The following ST8SIA3 variants were observed in gnomAD, a reference collection of about 807,000 sequenced individuals.
ST8SIA3 encodes the protein ST8 alpha-N-acetyl-neuraminide alpha-2,8-sialyltransferase 3, also known as alpha-N-acetylneuraminate alpha-2,8-sialyltransferase ST8SIA3.
ST8SIA3 carries 17 observed loss-of-function variants against 34.5 expected under a neutral mutation model. The observed-to-expected ratio is 0.49, with a 90% CI of 0.34 to 0.74. ST8SIA3 has a LOEUF of 0.74. ST8SIA3 is among the 30% of genes least tolerant of loss of function. The pLI, the probability that ST8SIA3 is intolerant of heterozygous loss-of-function variation, is 0.01. For synonymous variants in ST8SIA3, 172 were observed against 176.1 expected (o/e 0.98, Z 0.19); for missense variants, 354 against 467.8 (o/e 0.76, Z 2.24).
Position 57,360,457 on chromosome 18 carries a change from T to G in ST8SIA3, c.*180T>G. 2 of 637,712 alleles carry G rather than the reference T, an allele frequency of 3.1e-6. No individual in the cohort carries two copies. The highest frequency in any genetic ancestry group is 5.3e-6 in the Non-Finnish European group (2 of 375,408). 39.5% of individuals were successfully genotyped at this position (637,712 alleles called of 1,614,324 possible). A position where few individuals can be genotyped will look rare whatever the true frequency, so the allele number is the denominator to read the frequency against. ...GTTTTAGCAGATTTAGCAGGACAGA[T>G]GCATTGAAGCCACATGGTTTAGACT... is the stretch of plus-strand genomic sequence containing the variant. On this transcript the variant is annotated 3_prime_UTR_variant, in exon 4 of 4. Transcript: ENST00000324000.
chr18:57,360,770 A>C lies in ST8SIA3; in HGVS notation c.*493A>C. Reference sequence around the variant, plus strand: ...CTATCTCCATCTCTATCACCATCTCACTCCTTCCCTCTGCAACTACTCCCT... The same window carrying C: ...CTATCTCCATCTCTATCACCATCTCCCTCCTTCCCTCTGCAACTACTCCCT... On this transcript the variant is annotated 3_prime_UTR_variant, in exon 4 of 4. Transcript: ENST00000324000. 6.5e-6 allele frequency: 1 copy of C among 154,968 alleles called. No homozygotes were observed. Among genetic ancestry groups the C allele is most frequent in the Non-Finnish European group, 1.4e-5 (1 of 69,958 alleles). 9.6% of individuals were successfully genotyped at this position (154,968 alleles called of 1,614,324 possible).
At chr18:57,353,584 G>A (rs2049778805) in intron 1 of ST8SIA3, among the ~76,000 whole-genome samples, 1 of 149,110 alleles carries the variant, frequency 6.7e-6, no homozygotes, top group Admixed American at 6.7e-5. Context: ...CGCAGCCACC[G>A]CCCCCCACCA....
intron 3 of ST8SIA3, among the ~76,000 whole-genome samples, chr18:57,358,867 A>G (rs571493495): frequency 6.6e-6 from 1 of 152,300 alleles, no homozygotes; most frequent in African/African-American, 2.4e-5. Flanking sequence ...TGTTCAATTT[A>G]AGTTTGTCTA....
intron 2 of ST8SIA3, among the ~76,000 whole-genome samples, chr18:57,354,834 A>C (rs1210477360): frequency 4.6e-5 from 7 of 151,212 alleles, no homozygotes; most frequent in Non-Finnish European, 7.4e-5. Context: ...CAAGTCTGGC[A>C]AGTACTGCCA....
At position 57,352,843 on chromosome 18, in the gene ST8SIA3, C is replaced by T. The variant is rs762298107; in HGVS notation, c.-4C>T. ...CGGTTTCCCTGAACCCAGCCCAGCCCGGGATGAGAAACTGCAAAATGGCCC... is the reference window on the plus strand; with the variant it reads ...CGGTTTCCCTGAACCCAGCCCAGCCTGGGATGAGAAACTGCAAAATGGCCC... On this transcript the variant is annotated 5_prime_UTR_variant, in exon 1 of 4. Coordinates refer to ENST00000324000, the MANE Select transcript of ST8SIA3 (RefSeq NM_015879.3). The T allele has an allele frequency of 1.6e-5, 26 of 1,613,012 alleles. No homozygotes were observed. The highest frequency in any genetic ancestry group is 8.3e-5 in the Admixed American group (5 of 59,978).
chr18:57,353,120 C>G (rs2049774829), intron 1 of ST8SIA3, 95 bp downstream of exon 1: 31 of 1,308,240 alleles, frequency 2.4e-5, no homozygotes, highest in Non-Finnish European at 3.2e-5. Flanking sequence ...TTGGCCTCTC[C>G]GAGACTCTTT....
Position 57,352,842 on chromosome 18 carries a change from C to G in ST8SIA3, c.-5C>G, listed in dbSNP as rs375416977. 1.2e-6 allele frequency: 2 copies of G among 1,613,286 alleles called. No individual in the cohort carries two copies. Among genetic ancestry groups the G allele is most frequent in the African/African-American group, 1.3e-5 (1 of 74,994 alleles). On this transcript the variant is annotated 5_prime_UTR_variant, in exon 1 of 4. Transcript: ENST00000324000. ...CCGGTTTCCCTGAACCCAGCCCAGCCCGGGATGAGAAACTGCAAAATGGCC... is the reference window on the plus strand; with the variant it reads ...CCGGTTTCCCTGAACCCAGCCCAGCGCGGGATGAGAAACTGCAAAATGGCC...
chr18:57,365,313 G>A lies in ST8SIA3; in HGVS notation c.*5036G>A, dbSNP rs1289926575. On this transcript the variant is annotated 3_prime_UTR_variant, in exon 4 of 4. Coordinates refer to ENST00000324000, the MANE Select transcript of ST8SIA3 (RefSeq NM_015879.3). The stretch of plus-strand genomic sequence containing the variant: ...GTTCGTTGAGGTTATCATGTTAAAT[G>A]GCAATATAGACACAGTCTTAGTGAT... 2 of 152,192 alleles carry A rather than the reference G, an allele frequency of 1.3e-5. No homozygotes were observed. The highest frequency in any genetic ancestry group is 2.1e-4 in the South Asian group (1 of 4,832). 9.4% of individuals were successfully genotyped at this position (152,192 alleles called of 1,614,324 possible). A position where few individuals can be genotyped will look rare whatever the true frequency, so the allele number is the denominator to read the frequency against.
rs2049773278 is a variant in ST8SIA3 at position 57,352,937 on chromosome 18, G to C, written c.91G>C (p.Val31Leu). Reference protein sequence around the residue: ...ALLILSLISYVSLKKENIFTT... With the variant: ...ALLILSLISYLSLKKENIFTT... ...GCTGATTTTATCGCTCATCAGCTACGTGTCCCTGAAAAAGGAGAACATCTT... is the reference window on the plus strand; with the variant it reads ...GCTGATTTTATCGCTCATCAGCTACCTGTCCCTGAAAAAGGAGAACATCTT... The change falls in exon 1 of 4, where the codon GTG becomes CTG. Residue 31 changes from valine (V) to leucine (L), a missense_variant. By Grantham distance (32) the Val-to-Leu change is conservative (BLOSUM62 1). This residue lies in a region of ST8SIA3 where 184 missense variants were observed against 205.4 expected (regional missense o/e 0.90). Coordinates refer to ENST00000324000, the MANE Select transcript of ST8SIA3 (RefSeq NM_015879.3). 6.2e-7 allele frequency: 1 copy of C among 1,613,452 alleles called. No homozygotes were observed. Among genetic ancestry groups the C allele is most frequent in the Non-Finnish European group, 8.5e-7 (1 of 1,179,962 alleles).
rs59006823 is a variant in ST8SIA3, at chr18:57,352,732, T to TCACACA, written c.-82_-77dup. 0.07 allele frequency: 27,167 copies of TCACACA among 387,328 alleles called. 472 individuals carry two copies. The highest frequency in any genetic ancestry group is 0.12 in the Admixed American group (3,943 of 34,164). The allele number at this position is 387,328 out of a possible 1,614,324, so 24.0% of individuals were successfully genotyped here. A position where few individuals can be genotyped will look rare whatever the true frequency, so the allele number is the denominator to read the frequency against. On this transcript the variant is annotated 5_prime_UTR_variant, in exon 1 of 4. Transcript: ENST00000324000. ...CCTCCTCCGCCACACGCGCGCGCGC[T>TCACACA]CACACACACACACACACACACACAC...
In ST8SIA3 at chr18:57,352,808, C is replaced by T. The variant is rs748789232; in HGVS notation, c.-39C>T. The T allele has an allele frequency of 6.9e-6, 11 of 1,592,168 alleles. No individual in the cohort carries two copies. Among genetic ancestry groups the T allele is most frequent in the Middle Eastern group, 1.7e-4 (1 of 6,026 alleles). On this transcript the variant is annotated 5_prime_UTR_variant, in exon 1 of 4. Transcript: ENST00000324000. Reference sequence around the variant, plus strand: ...AGCGAGCTGCTGGCCGCTCAATGGACCGATTTCCCCGGTTTCCCTGAACCC... The same window carrying T: ...AGCGAGCTGCTGGCCGCTCAATGGATCGATTTCCCCGGTTTCCCTGAACCC...
rs1598904004 is a variant in ST8SIA3, at chr18:57,360,731, TTCTA to T, written c.*462_*465del. 1 of 159,950 alleles carries T rather than the reference TTCTA, an allele frequency of 6.3e-6. No individual in the cohort carries two copies. The allele number at this position is 159,950 out of a possible 1,614,324, so 9.9% of individuals were successfully genotyped here. A position where few individuals can be genotyped will look rare whatever the true frequency, so the allele number is the denominator to read the frequency against. On this transcript the variant is annotated 3_prime_UTR_variant, in exon 4 of 4. Coordinates refer to ENST00000324000, the MANE Select transcript of ST8SIA3 (RefSeq NM_015879.3). ...AAAAAACTGGTTTGCATATCTCATC[TTCTA>T]TCTATCTCCCTATCTCCATCTCTAT...
At position 57,357,463 on chromosome 18, in the gene ST8SIA3, G is replaced by A. The variant is rs1244620186; in HGVS notation, c.853G>A (p.Val285Ile). 6.2e-7 allele frequency: 1 copy of A among 1,608,742 alleles called. No homozygotes were observed. The highest frequency in any genetic ancestry group is 1.3e-5 in the African/African-American group (1 of 74,752). ...TTGGCCGGGAAATATAATGCAACAT[G>A]TCAACAGGTGTGTATATTTTATTAC... ...LAWPGNIMQHVNRYWKNKHLS... is the reference protein window; with the variant it reads ...LAWPGNIMQHINRYWKNKHLS... The change falls in exon 3 of 4, where the codon GTC becomes ATC. Residue 285 changes from valine (V) to isoleucine (I), a missense_variant. Around this residue, in one of 3 missense-constraint regions of ST8SIA3, gnomAD observed 166 missense variants for 245.2 expected, o/e 0.68. Coordinates refer to ENST00000324000, the MANE Select transcript of ST8SIA3 (RefSeq NM_015879.3).
chr18:57,360,306 T>A lies in ST8SIA3; in HGVS notation c.*29T>A. On this transcript the variant is annotated 3_prime_UTR_variant, in exon 4 of 4. Transcript: ENST00000324000. ...CTCCAAACGGAAAGCGCCAAATGGC[T>A]GTTTAAAAAGTGCCCCAAATCAAAT... is the stretch of plus-strand genomic sequence containing the variant. 1 of 1,598,494 alleles carries A rather than the reference T, an allele frequency of 6.3e-7. No homozygotes were observed. Among genetic ancestry groups the A allele is most frequent in the African/African-American group, 1.3e-5 (1 of 74,494 alleles).
At chr18:57,355,326 G>A (rs2049792968) in intron 2 of ST8SIA3, among the ~76,000 whole-genome samples, 1 of 152,168 alleles carries the variant, frequency 6.6e-6, no homozygotes, top group South Asian at 2.1e-4. Flanking sequence ...GAGCCATCTA[G>A]CGTATTCATT....
In ST8SIA3 at chr18:57,362,195, G is replaced by C. The variant is rs1332616703; in HGVS notation, c.*1918G>C. On this transcript the variant is annotated 3_prime_UTR_variant, in exon 4 of 4. Transcript: ENST00000324000. The stretch of plus-strand genomic sequence containing the variant: ...TGGGTATCACAACCACACCGTGTTT[G>C]TTCCCTGTCCCTTTGAAGAGGACTG... 1 of 152,196 alleles carries C rather than the reference G, an allele frequency of 6.6e-6. No individual in the cohort carries two copies. Among genetic ancestry groups the C allele is most frequent in the Non-Finnish European group, 1.5e-5 (1 of 68,036 alleles). The allele number at this position is 152,196 out of a possible 1,614,324, so 9.4% of individuals were successfully genotyped here.
rs966139191 is a variant in ST8SIA3, at chr18:57,364,031, C to T, written c.*3754C>T. 3 of 152,174 alleles carry T rather than the reference C, an allele frequency of 2.0e-5. No individual in the cohort carries two copies. The highest frequency in any genetic ancestry group is 7.2e-5 in the African/African-American group (3 of 41,446). The allele number at this position is 152,174 out of a possible 1,614,324, so 9.4% of individuals were successfully genotyped here. ...AGTCTATAAAAGAGGAAAAAAGGTTCTCCTCTCCCTCCCAAAAATGACTTC... is the reference window on the plus strand; with the variant it reads ...AGTCTATAAAAGAGGAAAAAAGGTTTTCCTCTCCCTCCCAAAAATGACTTC... On this transcript the variant is annotated 3_prime_UTR_variant, in exon 4 of 4. Coordinates refer to ENST00000324000, the MANE Select transcript of ST8SIA3 (RefSeq NM_015879.3).
At position 57,366,141 on chromosome 18, in the gene ST8SIA3, A is replaced by G. The variant is rs2049859336; in HGVS notation, c.*5864A>G. ...CAGCATGAGCCAGCTCCAGCATAGC[A>G]CTGCCTGAACAATTTTTAAGTCAGT... On this transcript the variant is annotated 3_prime_UTR_variant, in exon 4 of 4. Transcript: ENST00000324000. 1 of 152,240 alleles carries G rather than the reference A, an allele frequency of 6.6e-6. No homozygotes were observed. Among genetic ancestry groups the G allele is most frequent in the African/African-American group, 2.4e-5 (1 of 41,466 alleles). 9.4% of individuals were successfully genotyped at this position (152,240 alleles called of 1,614,324 possible).
Position 57,360,273 on chromosome 18 carries a change from C to A in ST8SIA3, c.1139C>A (p.Ala380Asp), listed in dbSNP as rs1418218402. The change falls in exon 4 of 4, where the codon GCC becomes GAC. Residue 380 changes from alanine (A) to aspartate (D), a missense_variant. This residue lies in a region of ST8SIA3 where 166 missense variants were observed against 245.2 expected (regional missense o/e 0.68). Transcript: ENST00000324000. The stretch of plus-strand genomic sequence containing the variant: ...ACCAAGCTGACTCTGTCACACTGTG[C>A]CTAAGAACTCCAAACGGAAAGCGCC... ...GLTKLTLSHC[A>D] 1 of 1,610,512 alleles carries A rather than the reference C, an allele frequency of 6.2e-7. No homozygotes were observed. The highest frequency in any genetic ancestry group is 1.3e-5 in the African/African-American group (1 of 74,786).
Sources: allele counts gnomAD v4.1 joint callset (sites outside exome capture counted in the v4.1 genomes callset), GRCh38; gene constraint gnomAD v4.1.1; regional missense constraint gnomAD v4.1.1; transcripts MANE v1.5; gene names NCBI Gene and HGNC (gene_info 2026-07-23, HGNC 2026-07-21).